The following KCNIP4 variants were observed in gnomAD, a reference collection of about 807,000 sequenced individuals.
KCNIP4 encodes potassium voltage-gated channel interacting protein 4, also known as Kv channel-interacting protein 4.
In KCNIP4, 12 loss-of-function variants were observed where a neutral mutation model predicts 34.0. The observed-to-expected ratio is 0.35, with a 90% CI of 0.23 to 0.57. The LOEUF (loss-of-function observed/expected upper bound fraction) is 0.57. Among genes scored for constraint, KCNIP4 ranks in the 20% least tolerant of loss-of-function variants. KCNIP4 has a pLI of 0.83. For synonymous variants in KCNIP4, 124 were observed against 102.2 expected, an observed-to-expected ratio of 1.21 and a Z score of -1.29; for missense variants, 238 against 311.7, an observed-to-expected ratio of 0.76 and a Z score of 1.78.
chr4:21,151,963 A>C, intron 1 of KCNIP4, among the ~76,000 whole-genome samples: 1 of 152,170 alleles, frequency 6.6e-6, no homozygotes, highest in East Asian at 1.9e-4. Flanking sequence ...TAATATAAAA[A>C]CAAAATAGGC....
At chr4:20,822,175 G>A (rs1312097039) in intron 3 of KCNIP4, among the ~76,000 whole-genome samples, 1 of 152,028 alleles carries the variant, frequency 6.6e-6, no homozygotes. Context: ...ATCCAATAAA[G>A]GACTAATATC....
chr4:21,919,404 G>C (rs1728819329), intron 1 of KCNIP4, among the ~76,000 whole-genome samples: 1 of 152,172 alleles, frequency 6.6e-6, no homozygotes, highest in Non-Finnish European at 1.5e-5. Flanking sequence ...CCCTCAAGGA[G>C]AGGGTAAGCA....
intron 1 of KCNIP4, among the ~76,000 whole-genome samples, chr4:21,813,192 A>G (rs1049366124): frequency 3.9e-5 from 6 of 152,204 alleles, no homozygotes; most frequent in African/African-American, 1.4e-4. Context: ...AGAACAATTC[A>G]TATCACCTCT....
intron 1 of KCNIP4, among the ~76,000 whole-genome samples, chr4:21,111,827 G>A (rs548418153): frequency 9.3e-4 from 141 of 152,270 alleles, no homozygotes; most frequent in African/African-American, 3.1e-3. Context: ...CATGACCCAC[G>A]TCATGCCCAC....
At chr4:21,435,383 G>A (rs926430571) in intron 1 of KCNIP4, among the ~76,000 whole-genome samples, 3 of 152,138 alleles carry the variant, frequency 2.0e-5, no homozygotes, top group African/African-American at 7.2e-5. Context: ...GTGGCTAGAA[G>A]CAATTTAAAA....
intron 1 of KCNIP4, among the ~76,000 whole-genome samples, chr4:21,094,361 G>T (rs1302681224): frequency 2.0e-5 from 3 of 152,152 alleles, no homozygotes; most frequent in African/African-American, 7.2e-5. Flanking sequence ...CATCTAATAT[G>T]ACAAAATGTT....
intron 1 of KCNIP4, among the ~76,000 whole-genome samples, chr4:21,352,414 C>T (rs1159433223): frequency 2.0e-5 from 3 of 152,220 alleles, no homozygotes; most frequent in East Asian, 3.9e-4. Context: ...AAATGGGACA[C>T]TCTCACCCAA....
intron 1 of KCNIP4, among the ~76,000 whole-genome samples, chr4:21,720,345 AAAGAC>A (rs1290560578): frequency 6.6e-6 from 1 of 152,180 alleles, no homozygotes; most frequent in Non-Finnish European, 1.5e-5. Flanking sequence ...TTCAAAATCC[AAAGAC>A]AAGTGGAGCC....
At chr4:21,730,584 T>C (rs1368046524) in intron 1 of KCNIP4, among the ~76,000 whole-genome samples, 1 of 152,094 alleles carries the variant, frequency 6.6e-6, no homozygotes, top group Non-Finnish European at 1.5e-5. Flanking sequence ...GATATTAATA[T>C]ACCATAATGA....
At chr4:21,396,864 T>C (rs961246684) in intron 1 of KCNIP4, among the ~76,000 whole-genome samples, 2 of 152,198 alleles carry the variant, frequency 1.3e-5, no homozygotes, top group Non-Finnish European at 2.9e-5. Context: ...GAGCCCAGCC[T>C]TGCTGACACC....
At position 21,778,224 on chromosome 4, in the gene KCNIP4, C is replaced by CTTTTTTTTTTTTTTTTTTTTTT. The variant is rs757351209; in HGVS notation, c.61+170346_61+170347insAAAAAAAAAAAAAAAAAAAAAA. On this transcript the variant is annotated intron_variant, in intron 1 of 8. Transcript: ENST00000382152. ...TTATTTGTTTCTTTTTCCTTTTTTC[C>CTTTTTTTTTTTTTTTTTTTTTT]TTTTTTTTTTTCTTTTTTTTTTTTT... Among the ~76,000 whole-genome samples the CTTTTTTTTTTTTTTTTTTTTTT allele has an allele frequency of 3.9e-5, 4 of 102,390 alleles. 1 individual carries two copies. The highest frequency in any genetic ancestry group is 9.2e-5 in the African/African-American group (2 of 21,736). 67.2% of individuals were successfully genotyped at this position (102,390 alleles called of 152,430 possible).
At position 21,039,228 on chromosome 4, in the gene KCNIP4, G is replaced by A. The variant is rs59845778; in HGVS notation, c.62-156519C>T. On this transcript the variant is annotated intron_variant, in intron 1 of 8. Coordinates refer to ENST00000382152, the MANE Select transcript of KCNIP4 (RefSeq NM_025221.6). ...TACAAAAAAATTAGCTGGACATGGT[G>A]GTGTGCACCTGTAATCCCAGCTACT... Among the ~76,000 whole-genome samples, 171 of 152,194 alleles carry A rather than the reference G, an allele frequency of 1.1e-3. 2 individuals are homozygous for A. Among genetic ancestry groups the A allele is most frequent in the African/African-American group, 3.9e-3 (164 of 41,522 alleles).
chr4:21,085,168 G>A (rs750620272), intron 1 of KCNIP4, among the ~76,000 whole-genome samples: 7 of 152,174 alleles, frequency 4.6e-5, no homozygotes, highest in South Asian at 2.1e-4. Flanking sequence ...AGGTCACAAC[G>A]GAGGAGCTCT....
chr4:21,871,140 A>G (rs549227171), intron 1 of KCNIP4, among the ~76,000 whole-genome samples: 12 of 151,286 alleles, frequency 7.9e-5, no homozygotes, highest in African/African-American at 2.7e-4. Context: ...TCTAGGGTAC[A>G]TGTGCACAAC....
At chr4:20,875,995 G>A (rs1014551997) in intron 2 of KCNIP4, among the ~76,000 whole-genome samples, 7 of 152,168 alleles carry the variant, frequency 4.6e-5, no homozygotes, top group African/African-American at 1.2e-4. Flanking sequence ...GTTTATTGAT[G>A]AGTGGTCTAG....
intron 1 of KCNIP4, among the ~76,000 whole-genome samples, chr4:21,771,770 A>G (rs987136522): frequency 2.0e-5 from 3 of 152,128 alleles, no homozygotes. Context: ...TTTTTGCACA[A>G]TGATTTTGTA....
chr4:21,519,648 ATGTATGTGTATATATACACGTGTG>A (rs1735266862), intron 1 of KCNIP4, among the ~76,000 whole-genome samples: 1 of 138,908 alleles, frequency 7.2e-6, no homozygotes, highest in Non-Finnish European at 1.5e-5. Flanking sequence ...ATGTGTGTGT[ATGTATGTGTATATATACACGTGTG>A]TGTATGTATG....
At chr4:21,390,306 C>T (rs1722448775) in intron 1 of KCNIP4, among the ~76,000 whole-genome samples, 1 of 152,004 alleles carries the variant, frequency 6.6e-6, no homozygotes, top group African/African-American at 2.4e-5. Context: ...CTTTAGTTTA[C>T]TTAGATCCCA....
intron 1 of KCNIP4, among the ~76,000 whole-genome samples, chr4:21,236,511 T>G (rs1399671964): frequency 6.6e-6 from 1 of 152,190 alleles, no homozygotes; most frequent in Non-Finnish European, 1.5e-5. Context: ...GTTTTTGGAT[T>G]CTTATATTAA....
Sources: gnomAD v4.1 joint callset for allele counts (sites outside exome capture counted in the v4.1 genomes callset) on GRCh38, gnomAD v4.1.1 for gene constraint, MANE v1.5 for transcripts, NCBI Gene and HGNC (gene_info 2026-07-23, HGNC 2026-07-21) for gene names.